MROH1: variants seen among roughly 807,000 people sequenced by gnomAD.
MROH1 encodes the protein maestro heat like repeat family member 1, also known as maestro heat-like repeat-containing protein family member 1.
A neutral mutation model predicts 116.5 loss-of-function variants in MROH1; 117 were observed. The ratio of observed to expected loss-of-function variants is 1.00; its 90% CI spans 0.86 to 1.17. MROH1 has a LOEUF of 1.17. Ranked by LOEUF, MROH1 falls within the 50% of genes most tolerant of loss-of-function variation. The pLI is 0.00. For synonymous variants in MROH1, 921 were observed against 583.9 expected, an observed-to-expected ratio of 1.58 and a Z score of -8.32; for missense variants, 1,873 against 1,338.5, an observed-to-expected ratio of 1.40 and a Z score of -6.23.
At chr8:144,252,267 T>A (rs1200538975) in intron 33 of MROH1, 6 of 153,120 alleles carry the variant, frequency 3.9e-5, no homozygotes, top group Non-Finnish European at 8.7e-5. Flanking sequence ...CTCATACCTG[T>A]AATCCCAGCA....
chr8:144,186,120 A>ATT lies in MROH1; in HGVS notation c.563-4648_563-4647dup, dbSNP rs35879853. On this transcript the variant is annotated intron_variant, in intron 7 of 43. Transcript: ENST00000326134. ...AATGAAGCAAAAAGGACAGTTTCCA[A>ATT]TTTTTTTTTTTTTTTTTGGAGACAG... Among the ~76,000 whole-genome samples the ATT allele has an allele frequency of 6.3e-3, 867 of 137,170 alleles. 5 individuals carry two copies. Among genetic ancestry groups the ATT allele is most frequent in the African/African-American group, 0.01 (382 of 36,916 alleles). The allele number at this position is 137,170 out of a possible 152,430, so 90.0% of individuals were successfully genotyped here. A position where few individuals can be genotyped will look rare whatever the true frequency, so the allele number is the denominator to read the frequency against.
chr8:144,261,640 C>T lies in MROH1; in HGVS notation c.4841-15C>T, dbSNP rs1845103090. On this transcript the variant is annotated splice_polypyrimidine_tract_variant and intron_variant, in intron 43 of 43. Transcript: ENST00000326134. Reference sequence around the variant, plus strand: ...AGGTCACAGCCCGCAGGCAGCCCCCCTCCTCTACCCCCAGCGCTCCAGATC... The same window carrying T: ...AGGTCACAGCCCGCAGGCAGCCCCCTTCCTCTACCCCCAGCGCTCCAGATC... The T allele has an allele frequency of 4.2e-6, 3 of 709,160 alleles. No homozygotes were observed. The highest frequency in any genetic ancestry group is 1.7e-5 in the African/African-American group (1 of 57,400). 43.9% of individuals were successfully genotyped at this position (709,160 alleles called of 1,614,324 possible). A position where few individuals can be genotyped will look rare whatever the true frequency, so the allele number is the denominator to read the frequency against.
intron 35 of MROH1, 114 bp from the exon 36 acceptor site, chr8:144,258,663 G>A: frequency 2.9e-6 from 2 of 691,926 alleles, no homozygotes; most frequent in Non-Finnish European, 5.3e-6. Context: ...CTCTGGCAGG[G>A]ATAGGGCTAG....
chr8:144,239,433 A>AGG, intron 17 of MROH1, 70 bp downstream of exon 17: 1 of 779,530 alleles, frequency 1.3e-6, no homozygotes, highest in South Asian at 1.3e-5. Context: ...CAGGCTTGGA[A>AGG]GGGGTTACCT....
intron 1 of MROH1, among the ~76,000 whole-genome samples, chr8:144,160,759 T>C (rs1470527385): frequency 7.0e-6 from 1 of 142,574 alleles, no homozygotes; most frequent in Non-Finnish European, 1.5e-5. Context: ...TACCATAAAG[T>C]TCTTGGAGTC....
chr8:144,220,014 T>C (rs986743635), intron 12 of MROH1, among the ~76,000 whole-genome samples: 6 of 152,332 alleles, frequency 3.9e-5, no homozygotes, highest in Middle Eastern at 3.4e-3. Context: ...TCCTGTGCAG[T>C]GGACCTCAGA....
chr8:144,208,441 T>C (rs1833348710), intron 12 of MROH1, among the ~76,000 whole-genome samples: 1 of 151,946 alleles, frequency 6.6e-6, no homozygotes, highest in African/African-American at 2.4e-5. Flanking sequence ...ATCTCTGTTT[T>C]ATCTTCATGT....
At chr8:144,259,170 G>C in intron 36 of MROH1, 70 bp from the exon 37 acceptor site, 3 of 703,960 alleles carry the variant, frequency 4.3e-6, no homozygotes, top group African/African-American at 1.7e-5. Flanking sequence ...GGGCTGTGCA[G>C]GGTGGAAGGT....
At position 144,219,230 on chromosome 8, in the gene MROH1, G is replaced by C. The variant is rs190717933; in HGVS notation, c.1142-1370G>C. 2.6e-3 allele frequency among the ~76,000 whole-genome samples: 390 copies of C among 152,172 alleles called. 1 individual carries two copies. Among genetic ancestry groups the C allele is most frequent in the African/African-American group, 8.9e-3 (371 of 41,538 alleles). On this transcript the variant is annotated intron_variant, in intron 12 of 43. Coordinates refer to ENST00000326134, the MANE Select transcript of MROH1 (RefSeq NM_032450.3). ...GTAGAGACAAGGTTTCACTGTGTTA[G>C]CCAGGATGGTCTCGATCTCCTGACC...
At chr8:144,243,376 A>G in intron 24 of MROH1, 118 bp from the exon 25 acceptor site, 2 of 705,052 alleles carry the variant, frequency 2.8e-6, no homozygotes, top group Non-Finnish European at 2.6e-6. Context: ...CTGGCTAGAG[A>G]GCTCCTTTGA....
chr8:144,244,279 G>A lies in MROH1; in HGVS notation c.2613G>A (p.Leu871=). The part of the protein sequence containing the change: ...QARADVIHGC[L]HSIMALLPEP... Reference sequence around the variant, plus strand: ...GGGCGGATGTGATCCATGGCTGCCTGCACAGCATCATGGCCCTGCTGCCTG... The same window carrying A: ...GGGCGGATGTGATCCATGGCTGCCTACACAGCATCATGGCCCTGCTGCCTG... The change falls in exon 27 of 44, where the codon CTG becomes CTA. Residue 871 remains leucine, a synonymous_variant. Transcript: ENST00000326134. The A allele has an allele frequency of 2.8e-6, 2 of 719,104 alleles. No individual in the cohort carries two copies. The highest frequency in any genetic ancestry group is 3.0e-5 in the South Asian group (2 of 67,624). The allele number at this position is 719,104 out of a possible 1,614,324, so 44.5% of individuals were successfully genotyped here. A position where few individuals can be genotyped will look rare whatever the true frequency, so the allele number is the denominator to read the frequency against.
intron 11 of MROH1, 78 bp downstream of exon 11, chr8:144,199,278 G>A (rs1306476331): frequency 6.6e-5 from 96 of 1,460,254 alleles, no homozygotes; most frequent in Non-Finnish European, 8.9e-5. Context: ...GTGGAGGATG[G>A]TGGTGGCTGG....
intron 29 of MROH1, among the ~76,000 whole-genome samples, chr8:144,246,142 G>A (rs975672849): frequency 9.4e-5 from 13 of 138,918 alleles, no homozygotes; most frequent in East Asian, 2.2e-4. Flanking sequence ...CGAGTCTCTC[G>A]CTCTCACCCA....
chr8:144,212,237 A>G (rs943601618), intron 12 of MROH1, among the ~76,000 whole-genome samples: 3 of 151,934 alleles, frequency 2.0e-5, no homozygotes, highest in Non-Finnish European at 4.4e-5. Context: ...GGTGCACACC[A>G]CCACACCTGG....
At chr8:144,241,585 C>T in intron 22 of MROH1, 68 bp downstream of exon 22, 1 of 774,016 alleles carries the variant, frequency 1.3e-6, no homozygotes, top group Non-Finnish European at 2.4e-6. Context: ...CAGGGGGTGC[C>T]CTGCGGGCTG....
intron 11 of MROH1, among the ~76,000 whole-genome samples, chr8:144,199,697 G>A (rs752537075): frequency 5.3e-5 from 8 of 152,178 alleles, no homozygotes; most frequent in Non-Finnish European, 1.2e-4. Context: ...GATGGTGTGA[G>A]GAGGGGTCCT....
chr8:144,234,865 T>C (rs1554824102), intron 14 of MROH1, among the ~76,000 whole-genome samples: 1 of 149,628 alleles, frequency 6.7e-6, no homozygotes, highest in Non-Finnish European at 1.5e-5. Flanking sequence ...TGCTACTGTA[T>C]AGAAAAACAA....
At chr8:144,183,769 C>T (rs768176495) in intron 7 of MROH1, among the ~76,000 whole-genome samples, 36 of 152,024 alleles carry the variant, frequency 2.4e-4, no homozygotes, top group Non-Finnish European at 4.9e-4. Flanking sequence ...GCCTCAGCCT[C>T]TCCGAGTAGC....
At chr8:144,255,020 C>T (rs892596646) in intron 34 of MROH1, 42 bp downstream of exon 34, 4 of 711,496 alleles carry the variant, frequency 5.6e-6, no homozygotes, top group East Asian at 5.3e-5. Flanking sequence ...GCTGTCCCTG[C>T]CCCGCTTGCC....
Sources: allele counts gnomAD v4.1 joint callset (sites outside exome capture counted in the v4.1 genomes callset), GRCh38; gene constraint gnomAD v4.1.1; transcripts MANE v1.5; gene names NCBI Gene and HGNC (gene_info 2026-07-23, HGNC 2026-07-21).